The following ALG9 variants were observed in gnomAD, a reference collection of about 807,000 sequenced individuals.
The protein encoded by ALG9 is ALG9 alpha-1,2-mannosyltransferase.
A neutral mutation model predicts 81.8 loss-of-function variants in ALG9; 55 were observed. The observed-to-expected ratio is 0.67, with a 90% CI of 0.54 to 0.84. The LOEUF is 0.84. ALG9 is among the 40% of genes least tolerant of loss of function. ALG9 has a pLI of 0.00. For synonymous variants in ALG9, 278 were observed against 274.3 expected (o/e 1.01, Z -0.13); for missense variants, 629 against 745.0 (o/e 0.84, Z 1.81).
At position 111,853,761 on chromosome 11, in the gene ALG9, G is replaced by C. The variant is rs782310850; in HGVS notation, c.702-25C>G. ...ACTATTTAACAGAGAAACAGAGCGGGGAGTTAAATAAATACTGACAGAGAC... is the reference window on the plus strand; with the variant it reads ...ACTATTTAACAGAGAAACAGAGCGGCGAGTTAAATAAATACTGACAGAGAC... On this transcript the variant is annotated intron_variant, in intron 6 of 14. Coordinates refer to ENST00000616540, the MANE Select transcript of ALG9 (RefSeq NM_024740.2). 8 of 1,583,070 alleles carry C rather than the reference G, an allele frequency of 5.1e-6. No individual in the cohort carries two copies. The Admixed American group carries it at 1.3e-4, about 26-fold the overall frequency.
rs782577227 is a variant in ALG9 at position 111,868,745 on chromosome 11, A to G, written c.271-9T>C. 19 of 1,602,358 alleles carry G rather than the reference A, an allele frequency of 1.2e-5. No individual in the cohort carries two copies. Among genetic ancestry groups the G allele is most frequent in the Non-Finnish European group, 2.6e-6 (3 of 1,173,192 alleles). ...TAGATGAGGTAGTGTGTCTAAAAAT[A>G]CAAAACAGATAGATTCAGGGTTATA... On this transcript the variant is annotated splice_polypyrimidine_tract_variant and intron_variant, in intron 2 of 14. Coordinates refer to ENST00000616540, the MANE Select transcript of ALG9 (RefSeq NM_024740.2).
chr11:111,837,732 G>C (rs1555119008), intron 11 of ALG9, 117 bp from the exon 12 acceptor site: 1 of 1,148,646 alleles, frequency 8.7e-7, no homozygotes, highest in Non-Finnish European at 1.3e-6. Context: ...GGCAGGAAGG[G>C]CCATAGCCAT....
At chr11:111,817,769 T>C (rs1951726136) in intron 13 of ALG9, among the ~76,000 whole-genome samples, 1 of 151,186 alleles carries the variant, frequency 6.6e-6, no homozygotes, top group South Asian at 2.1e-4. Context: ...CAAATCTCAC[T>C]TGTATTTCTT....
At chr11:111,870,886 GTAC>G (rs782193412) in intron 1 of ALG9, 9 of 1,000,328 alleles carry the variant, frequency 9.0e-6, no homozygotes, top group Non-Finnish European at 1.1e-5. Context: ...TAGGTGCAAG[GTAC>G]ATAGCCTACT....
intron 14 of ALG9, among the ~76,000 whole-genome samples, chr11:111,798,801 G>A (rs543892869): frequency 1.3e-5 from 2 of 152,292 alleles, no homozygotes; most frequent in East Asian, 3.9e-4. Context: ...GCAGGGACTA[G>A]AACGTGTTGA....
chr11:111,858,083 C>T (rs184109233), intron 5 of ALG9: 8 of 336,864 alleles, frequency 2.4e-5, no homozygotes, highest in African/African-American at 4.3e-5. Flanking sequence ...ATTACAGGCA[C>T]GTGCCACCAC....
intron 13 of ALG9, among the ~76,000 whole-genome samples, chr11:111,823,424 T>C (rs1952745180): frequency 1.3e-5 from 2 of 152,248 alleles, no homozygotes; most frequent in Admixed American, 6.5e-5. Flanking sequence ...GGATTTGCTT[T>C]TACACTGCCA....
At chr11:111,812,123 C>G (rs895096600) in intron 13 of ALG9, among the ~76,000 whole-genome samples, 2 of 152,098 alleles carry the variant, frequency 1.3e-5, no homozygotes, top group African/African-American at 4.8e-5. Context: ...AAAAACCTTA[C>G]TATTATAAAT....
At chr11:111,810,320 G>C (rs573697694) in intron 13 of ALG9, among the ~76,000 whole-genome samples, 2 of 152,218 alleles carry the variant, frequency 1.3e-5, no homozygotes, top group Admixed American at 1.3e-4. Flanking sequence ...GTAAAAGTGA[G>C]ATATCAGAAC....
At position 111,840,650 on chromosome 11, in the gene ALG9, C is replaced by G; in HGVS notation, c.1173+5G>C. 6.2e-7 allele frequency: 1 copy of G among 1,613,900 alleles called. No homozygotes were observed. The highest frequency in any genetic ancestry group is 8.5e-7 in the Non-Finnish European group (1 of 1,179,936). ...GAGGCAGATACACTTCTCCCTGAAA[C>G]TCACCTGAAGTGCAGAGAGAGCCAC... On this transcript the variant is annotated splice_donor_5th_base_variant and intron_variant, in intron 10 of 14. Transcript: ENST00000616540.
chr11:111,833,439 T>C (rs1478434860), intron 13 of ALG9, among the ~76,000 whole-genome samples: 1 of 152,192 alleles, frequency 6.6e-6, no homozygotes, highest in East Asian at 1.9e-4. Flanking sequence ...GTTATAATGG[T>C]ACAGTACAAA....
Position 111,865,201 on chromosome 11 carries a change from A to C in ALG9, c.456T>G (p.Ile152Met), listed in dbSNP as rs1961932891. 1 of 1,549,676 alleles carries C rather than the reference A, an allele frequency of 6.5e-7. No homozygotes were observed. The highest frequency in any genetic ancestry group is 1.4e-5 in the African/African-American group (1 of 72,732). ...CTCACTTGTAAAAGTAAAGTTCACAAATACAGCTCACAAAAGCCAGAAGAC... is the reference window on the plus strand; with the variant it reads ...CTCACTTGTAAAAGTAAAGTTCACACATACAGCTCACAAAAGCCAGAAGAC... ...LRCLLAFVSC[I>M]CELYFYKAVC... Residue 152 changes from isoleucine (I) to methionine (M), a missense_variant, in exon 4 of 15, where the codon ATT becomes ATG. Around this residue, in one of 3 missense-constraint regions of ALG9, gnomAD observed 344 missense variants for 390.5 expected, o/e 0.88. Transcript: ENST00000616540.
intron 4 of ALG9, among the ~76,000 whole-genome samples, chr11:111,862,303 G>A (rs1960526047): frequency 6.8e-6 from 1 of 147,462 alleles, no homozygotes; most frequent in Non-Finnish European, 1.5e-5. Flanking sequence ...GGGTGATCTT[G>A]GCTCACTGCA....
chr11:111,848,179 G>A (rs1209742342), intron 8 of ALG9, among the ~76,000 whole-genome samples: 2 of 152,150 alleles, frequency 1.3e-5, no homozygotes, highest in Non-Finnish European at 2.9e-5. Flanking sequence ...GTCTCAGAGT[G>A]TTTTGAGTGA....
In ALG9 at chr11:111,865,338, A is replaced by T; in HGVS notation, c.406-87T>A. 6.1e-6 allele frequency: 6 copies of T among 978,208 alleles called. No individual in the cohort carries two copies. The South Asian group carries it at 9.1e-5, about 15-fold the overall frequency. 60.6% of individuals were successfully genotyped at this position (978,208 alleles called of 1,614,324 possible). A position where few individuals can be genotyped will look rare whatever the true frequency, so the allele number is the denominator to read the frequency against. ...CATGAACCACTCTCATTTATTGTCA[A>T]TAACACTGTAAATTGGTATAATTCT... On this transcript the variant is annotated intron_variant, in intron 3 of 14. Coordinates refer to ENST00000616540, the MANE Select transcript of ALG9 (RefSeq NM_024740.2).
chr11:111,838,801 C>A (rs1955749536), intron 10 of ALG9, among the ~76,000 whole-genome samples: 1 of 151,978 alleles, frequency 6.6e-6, no homozygotes, highest in Non-Finnish European at 1.5e-5. Context: ...AAAAAAAGGT[C>A]TCATGACCAA....
At chr11:111,868,561 C>G in intron 3 of ALG9, 41 bp downstream of exon 3, 3 of 1,603,950 alleles carry the variant, frequency 1.9e-6, no homozygotes, top group Non-Finnish European at 2.6e-6. Context: ...AGACTCACCT[C>G]TTGATCAATT....
At position 111,791,562 on chromosome 11, in the gene ALG9, T is replaced by C. The variant is rs536838416; in HGVS notation, c.1734-5042A>G. 5.9e-5 allele frequency among the ~76,000 whole-genome samples: 9 copies of C among 152,324 alleles called. 1 individual carries two copies. The South Asian group carries it at 1.9e-3, about 32-fold the overall frequency. ...GCTGAATAAATCCCAAACTCTCTCA[T>C]TGCCTACAAAGCCCTAGGAGATCTA... On this transcript the variant is annotated intron_variant, in intron 14 of 14. Coordinates refer to ENST00000616540, the MANE Select transcript of ALG9 (RefSeq NM_024740.2).
chr11:111,816,792 T>C (rs782119067), intron 13 of ALG9, among the ~76,000 whole-genome samples: 3 of 152,192 alleles, frequency 2.0e-5, no homozygotes, highest in Non-Finnish European at 4.4e-5. Context: ...ATTCCTGGTC[T>C]CCAGTGATTC....
Sources: allele counts gnomAD v4.1 joint callset (sites outside exome capture counted in the v4.1 genomes callset), GRCh38; gene constraint gnomAD v4.1.1; regional missense constraint gnomAD v4.1.1; transcripts MANE v1.5; gene names NCBI Gene and HGNC (gene_info 2026-07-23, HGNC 2026-07-21).